The following IQCH variants were observed in gnomAD, a reference collection of about 807,000 sequenced individuals.
IQCH encodes the protein IQ motif containing H.
Under a neutral mutation model 117.0 loss-of-function variants are expected in IQCH, and 98 were observed. The ratio of observed to expected loss-of-function variants is 0.84; its 90% CI spans 0.71 to 0.99. The LOEUF (loss-of-function observed/expected upper bound fraction) is 0.99, where lower values mean the gene tolerates loss of function less well. Ranked by LOEUF, IQCH falls within the 50% of genes least tolerant of loss-of-function variation. IQCH has a pLI of 0.00. For missense variants in IQCH, 1,102 were observed against 1,243.8 expected (o/e 0.89, Z 1.72); for synonymous variants, 412 against 448.2 (o/e 0.92, Z 1.02).
intron 20 of IQCH, among the ~76,000 whole-genome samples, chr15:67,495,149 A>G (rs567233168): frequency 5.3e-5 from 8 of 152,372 alleles, no homozygotes; most frequent in Non-Finnish European, 1.0e-4. Context: ...AAGTCCAACA[A>G]AAGCTTAATA....
At chr15:67,264,897 A>G (rs1367487652) in intron 3 of IQCH, among the ~76,000 whole-genome samples, 3 of 151,308 alleles carry the variant, frequency 2.0e-5, no homozygotes, top group African/African-American at 7.3e-5. Flanking sequence ...TACCATATGT[A>G]TATATATATA....
chr15:67,444,197 T>C (rs893434174), intron 16 of IQCH, among the ~76,000 whole-genome samples: 1 of 152,270 alleles, frequency 6.6e-6, no homozygotes, highest in African/African-American at 2.4e-5. Flanking sequence ...CCTATTTTTT[T>C]AATATATTCC....
intron 13 of IQCH, among the ~76,000 whole-genome samples, chr15:67,399,886 A>C (rs900249735): frequency 3.3e-5 from 5 of 152,276 alleles, no homozygotes; most frequent in African/African-American, 1.2e-4. Context: ...TTCTCAAATA[A>C]GACTGTGCTT....
chr15:67,501,771 G>A lies in IQCH; in HGVS notation c.*1025G>A, dbSNP rs1311778149. ...ACTGTGATTCAGCCACAGGCTAAGA[G>A]TTTCTGTAATAAAATTAACATTTGT... On this transcript the variant is annotated 3_prime_UTR_variant, in exon 21 of 21. Coordinates refer to ENST00000335894, the MANE Select transcript of IQCH (RefSeq NM_001031715.3). This position sits in a 1 kb window ranked among gnomAD's most constrained non-coding sequence, Gnocchi z 5.2. The A allele has an allele frequency of 6.6e-6, 1 of 152,214 alleles. No individual in the cohort carries two copies. The highest frequency in any genetic ancestry group is 6.5e-5 in the Admixed American group (1 of 15,274). The allele number at this position is 152,214 out of a possible 1,614,324, so 9.4% of individuals were successfully genotyped here.
chr15:67,330,612 G>T (rs1359430042), intron 4 of IQCH, among the ~76,000 whole-genome samples: 1 of 152,142 alleles, frequency 6.6e-6, no homozygotes, highest in Non-Finnish European at 1.5e-5. Context: ...GGTGACCTAA[G>T]CTGTGCTTGG....
At chr15:67,345,403 CG>C (rs1388244396) in intron 6 of IQCH, among the ~76,000 whole-genome samples, 7 of 152,066 alleles carry the variant, frequency 4.6e-5, no homozygotes, top group Admixed American at 4.6e-4. Context: ...AAATAGAGTA[CG>C]GAAAGAAGAA....
At chr15:67,373,257 T>C in intron 9 of IQCH, 110 bp from the exon 10 acceptor site, 1 of 642,752 alleles carries the variant, frequency 1.6e-6, no homozygotes, top group Non-Finnish European at 2.7e-6. Context: ...TTAAATCAAT[T>C]AATATAATTT....
intron 4 of IQCH, among the ~76,000 whole-genome samples, chr15:67,315,049 G>T (rs1967781769): frequency 6.6e-6 from 1 of 152,164 alleles, no homozygotes; most frequent in Non-Finnish European, 1.5e-5. Context: ...GACTTTATAG[G>T]ATTAGAGATT....
chr15:67,418,553 A>ACAC (rs66695451), intron 15 of IQCH, among the ~76,000 whole-genome samples: 2 of 148,890 alleles, frequency 1.3e-5, no homozygotes, highest in Non-Finnish European at 3.0e-5. Flanking sequence ...ACACACACAC[A>ACAC]AGATCAATAA....
At chr15:67,400,503 G>A (rs1451986044) in intron 14 of IQCH, among the ~76,000 whole-genome samples, 198 bp downstream of exon 14, 2 of 13,612 alleles carry the variant, frequency 1.5e-4, no homozygotes, top group African/African-American at 3.0e-4. Context: ...TTTTTTTTTT[G>A]AGATGGGGCC....
chr15:67,487,533 T>G (rs2083524615), intron 18 of IQCH, among the ~76,000 whole-genome samples: 1 of 152,004 alleles, frequency 6.6e-6, no homozygotes. Context: ...TCATTAGGAA[T>G]AAAATATCAA....
rs1290574379 is a variant in IQCH, at chr15:67,479,446, A to G, written c.2799+3628A>G. On this transcript the variant is annotated intron_variant, in intron 18 of 20. Coordinates refer to ENST00000335894, the MANE Select transcript of IQCH (RefSeq NM_001031715.3). The surrounding 1 kb of genome is among the most constrained non-coding windows in gnomAD (Gnocchi z 4.6). ...GGACTGTTTCCCACCAACTGTCTCT[A>G]TTTCTAAAATATTACCAACCCAGTC... Among the ~76,000 whole-genome samples, 2 of 152,098 alleles carry G rather than the reference A, an allele frequency of 1.3e-5. No individual in the cohort carries two copies. The highest frequency in any genetic ancestry group is 4.8e-5 in the African/African-American group (2 of 41,390).
chr15:67,442,859 GATAGATATAC>G (rs1012466521), intron 16 of IQCH, among the ~76,000 whole-genome samples: 4 of 133,216 alleles, frequency 3.0e-5, no homozygotes, highest in African/African-American at 1.2e-4. Context: ...TAGATAGATA[GATAGATATAC>G]ATATATATAT....
rs970088272 is a variant in IQCH, at chr15:67,433,759, A to C, written c.2505+12182A>C. Among the ~76,000 whole-genome samples, 32 of 152,202 alleles carry C rather than the reference A, an allele frequency of 2.1e-4. No homozygotes were observed. Among genetic ancestry groups the C allele is most frequent in the African/African-American group, 7.2e-4 (30 of 41,452 alleles). On this transcript the variant is annotated intron_variant, in intron 16 of 20. Coordinates refer to ENST00000335894, the MANE Select transcript of IQCH (RefSeq NM_001031715.3). The surrounding 1 kb of genome is among the most constrained non-coding windows in gnomAD (Gnocchi z 5.4). Reference sequence around the variant, plus strand: ...TCAGGAGGGCAGGAGGTAGGAAAAAAGGAAAAGGCTCCCTACTAATGCCAA... The same window carrying C: ...TCAGGAGGGCAGGAGGTAGGAAAAACGGAAAAGGCTCCCTACTAATGCCAA...
At chr15:67,499,748 T>C (rs1485196040) in intron 20 of IQCH, among the ~76,000 whole-genome samples, 1 of 152,222 alleles carries the variant, frequency 6.6e-6, no homozygotes, top group Non-Finnish European at 1.5e-5. Flanking sequence ...ATTCTATGGA[T>C]AATATTTTAT....
intron 16 of IQCH, among the ~76,000 whole-genome samples, chr15:67,450,452 A>G (rs1354600881): frequency 6.6e-6 from 1 of 152,198 alleles, no homozygotes; most frequent in African/African-American, 2.4e-5. Context: ...AATTTTGTCA[A>G]AGGCCTTTTC....
rs113541382 is a variant in IQCH, at chr15:67,456,373, G to GGGCTTTGA, written c.2506-8753_2506-8746dup. On this transcript the variant is annotated intron_variant, in intron 16 of 20. Coordinates refer to ENST00000335894, the MANE Select transcript of IQCH (RefSeq NM_001031715.3). The surrounding 1 kb of genome is among the most constrained non-coding windows in gnomAD (Gnocchi z 5.1). ...GAACTAGCCTGGAAGTCAGGAACTT[G>GGGCTTTGA]GGCTTTGATTCTAGTTCCTCCCCTA... 3.4e-3 allele frequency among the ~76,000 whole-genome samples: 524 copies of GGGCTTTGA among 152,254 alleles called. 8 individuals carry two copies. Among genetic ancestry groups the GGGCTTTGA allele is most frequent in the African/African-American group, 0.012 (498 of 41,536 alleles).
In IQCH at chr15:67,475,789, A is replaced by T; in HGVS notation, c.2770A>T (p.Arg924Trp). ...CCACTATGTTTTTCTCCAGATCTGT[A>T]GGGCCCATGGCATTGGCTATGATGT... ...VFHYVFLQIC[R>W]AHGIGYDVEE... Residue 924 changes from arginine to tryptophan, a missense_variant, in exon 18 of 21, where the codon AGG becomes TGG. Coordinates refer to ENST00000335894, the MANE Select transcript of IQCH (RefSeq NM_001031715.3). The surrounding 1 kb of genome is among the most constrained non-coding windows in gnomAD (Gnocchi z 5.7). 1 of 1,614,166 alleles carries T rather than the reference A, an allele frequency of 6.2e-7. No homozygotes were observed. Among genetic ancestry groups the T allele is most frequent in the Non-Finnish European group, 8.5e-7 (1 of 1,179,984 alleles).
chr15:67,265,335 T>C (rs8032868), intron 3 of IQCH, among the ~76,000 whole-genome samples: 68,129 of 152,106 alleles, frequency 0.45, 15,748 homozygotes, highest in Non-Finnish European at 0.52. Context: ...AGACATTGAC[T>C]GGGGCACGGA....
Sources: gnomAD v4.1 joint callset for allele counts (sites outside exome capture counted in the v4.1 genomes callset) on GRCh38, gnomAD v4.1.1 for gene constraint, Gnocchi (gnomAD v3.1) non-coding constraint, MANE v1.5 for transcripts, NCBI Gene and HGNC (gene_info 2026-07-23, HGNC 2026-07-21) for gene names.